The following EYA4 variants were observed in gnomAD, a reference collection of about 807,000 sequenced individuals.
EYA4 encodes EYA transcriptional coactivator and phosphatase 4.
In EYA4, 31 loss-of-function variants were observed where a neutral mutation model predicts 87.9. That is an observed-to-expected ratio of 0.35 (90% CI 0.27 to 0.48). EYA4 has a LOEUF of 0.48. Among genes scored for constraint, EYA4 ranks in the 20% least tolerant of loss-of-function variants. The probability of loss-of-function intolerance (pLI) is 0.99; values close to 1 mark genes in which losing one functional copy is unlikely to be tolerated. For synonymous variants in EYA4, 263 were observed against 270.6 expected (o/e 0.97, Z 0.28); for missense variants, 678 against 761.4 (o/e 0.89, Z 1.29).
Position 133,353,911 on chromosome 6 carries a change from T to C in EYA4, c.34-28481T>C, listed in dbSNP as rs115135786. 2.7e-3 allele frequency among the ~76,000 whole-genome samples: 407 copies of C among 152,304 alleles called. 1 individual carries two copies. Among genetic ancestry groups the C allele is most frequent in the African/African-American group, 9.4e-3 (391 of 41,574 alleles). ...GTTTTCGTCAGTGAAAACCCATTTC[T>C]GACATTAAATATTCTAATTTTCAAA... On this transcript the variant is annotated intron_variant, in intron 2 of 19. Coordinates refer to ENST00000355286, the MANE Select transcript of EYA4 (RefSeq NM_004100.5).
At chr6:133,482,892 A>AAAAAC (rs1796339227) in intron 12 of EYA4, 140 bp from the exon 13 acceptor site, 3 of 735,184 alleles carry the variant, frequency 4.1e-6, no homozygotes, top group Non-Finnish European at 6.6e-6. Context: ...GGCAAATTTG[A>AAAAAC]AAAACAAAAA....
intron 5 of EYA4, among the ~76,000 whole-genome samples, chr6:133,449,351 TA>T (rs1793173821): frequency 6.6e-6 from 1 of 152,370 alleles, no homozygotes; most frequent in Middle Eastern, 3.4e-3. Flanking sequence ...GACAACTTTT[TA>T]AACATTTAAT....
At chr6:133,476,082 T>C (rs1478977261) in intron 11 of EYA4, among the ~76,000 whole-genome samples, 1 of 152,138 alleles carries the variant, frequency 6.6e-6, no homozygotes, top group Non-Finnish European at 1.5e-5. Flanking sequence ...TAATCTCAGC[T>C]ACTCTGGAGG....
chr6:133,264,131 T>C (rs1776015133), intron 1 of EYA4, among the ~76,000 whole-genome samples: 1 of 152,154 alleles, frequency 6.6e-6, no homozygotes, highest in Admixed American at 6.5e-5. Context: ...AGTGTGAGGC[T>C]GCTGACAGGG....
At chr6:133,428,911 C>CTTCTTTTTTTT (rs1790919538) in intron 3 of EYA4, among the ~76,000 whole-genome samples, 2 of 48,230 alleles carry the variant, frequency 4.1e-5, no homozygotes, top group Non-Finnish European at 7.2e-5. Context: ...GATTTAGCTT[C>CTTCTTTTTTTT]TTTTTTTTTT....
At chr6:133,412,890 C>T (rs1230971653) in intron 3 of EYA4, among the ~76,000 whole-genome samples, 5 of 152,178 alleles carry the variant, frequency 3.3e-5, no homozygotes, top group Non-Finnish European at 5.9e-5. Flanking sequence ...TTTCCATACT[C>T]ACCACAGCCC....
intron 18 of EYA4, chr6:133,524,944 C>T: frequency 7.6e-7 from 1 of 1,315,324 alleles, no homozygotes; most frequent in Non-Finnish European, 1.1e-6. Context: ...GAGGCATTAA[C>T]TTAACACTTT....
chr6:133,466,820 T>G (rs985094367), intron 10 of EYA4, among the ~76,000 whole-genome samples: 1 of 146,046 alleles, frequency 6.8e-6, no homozygotes, highest in African/African-American at 2.5e-5. Context: ...GAGGGGGAAG[T>G]GGGGAAGCAC....
rs1335453840 is a variant in EYA4, at chr6:133,301,997, G to A, written c.33+27184G>A. 2.0e-5 allele frequency among the ~76,000 whole-genome samples: 3 copies of A among 152,180 alleles called. No individual in the cohort carries two copies. The East Asian group carries it at 5.8e-4, about 29-fold the overall frequency. ...TTGACTTCTTGGAGAGTGATATTTA[G>A]GCTTAGCTGGTATAGAAAGGGAGAA... On this transcript the variant is annotated intron_variant, in intron 2 of 19. Coordinates refer to ENST00000355286, the MANE Select transcript of EYA4 (RefSeq NM_004100.5).
At chr6:133,476,936 CAG>C (rs1491237898) in intron 11 of EYA4, among the ~76,000 whole-genome samples, 5 of 152,036 alleles carry the variant, frequency 3.3e-5, no homozygotes, top group African/African-American at 9.7e-5. Flanking sequence ...GTAATTGAAT[CAG>C]GGGGGCAGTT....
chr6:133,507,242 A>G (rs1454292359), intron 14 of EYA4: 1 of 152,214 alleles, frequency 6.6e-6, no homozygotes, highest in Non-Finnish European at 1.5e-5. Context: ...ATCTAAAGTT[A>G]CCTGCTATCT....
At chr6:133,467,575 A>G (rs1794960290) in intron 10 of EYA4, among the ~76,000 whole-genome samples, 1 of 152,102 alleles carries the variant, frequency 6.6e-6, no homozygotes, top group South Asian at 2.1e-4. Flanking sequence ...TGAAATTTTC[A>G]GACTAATAGA....
intron 1 of EYA4, chr6:133,245,181 G>C (rs1774306062): frequency 6.6e-6 from 1 of 152,110 alleles, no homozygotes; most frequent in African/African-American, 2.4e-5. Context: ...TATTGCAGCT[G>C]CTGATCATAT....
chr6:133,448,876 GA>G (rs1793127090), intron 5 of EYA4, among the ~76,000 whole-genome samples: 1 of 152,120 alleles, frequency 6.6e-6, no homozygotes, highest in Admixed American at 6.5e-5. Context: ...CCCAGTTGTA[GA>G]ATCAAAAAGG....
At chr6:133,473,962 T>C (rs1472046489) in intron 11 of EYA4, among the ~76,000 whole-genome samples, 1 of 152,076 alleles carries the variant, frequency 6.6e-6, no homozygotes, top group Non-Finnish European at 1.5e-5. Context: ...TCAAGGATCT[T>C]ACTTTCATTC....
At chr6:133,456,811 C>T (rs755811892) in intron 6 of EYA4, among the ~76,000 whole-genome samples, 163 bp downstream of exon 6, 2 of 152,142 alleles carry the variant, frequency 1.3e-5, no homozygotes, top group Non-Finnish European at 2.9e-5. Flanking sequence ...TAGCAGTATG[C>T]ATTGTTATAA....
At chr6:133,367,315 G>C (rs1784927308) in intron 2 of EYA4, among the ~76,000 whole-genome samples, 1 of 152,192 alleles carries the variant, frequency 6.6e-6, no homozygotes, top group African/African-American at 2.4e-5. Context: ...CAGCTTCCTT[G>C]TGCTAAGAGT....
At chr6:133,457,749 G>T (rs1219727495) in intron 6 of EYA4, among the ~76,000 whole-genome samples, 3 of 152,096 alleles carry the variant, frequency 2.0e-5, no homozygotes, top group Non-Finnish European at 2.9e-5. Context: ...TACCAGTTCA[G>T]TATTCTGTAT....
chr6:133,497,946 TA>T (rs1797773426), intron 13 of EYA4, among the ~76,000 whole-genome samples: 1 of 152,172 alleles, frequency 6.6e-6, no homozygotes, highest in Non-Finnish European at 1.5e-5. Context: ...TTGCTTATTT[TA>T]GACAACATCT....
Sources: gnomAD v4.1 joint callset for allele counts (sites outside exome capture counted in the v4.1 genomes callset) on GRCh38, gnomAD v4.1.1 for gene constraint, MANE v1.5 for transcripts, NCBI Gene and HGNC (gene_info 2026-07-23, HGNC 2026-07-21) for gene names.